MEF2D: variants seen among roughly 807,000 people sequenced by gnomAD.
The protein encoded by MEF2D is myocyte-specific enhancer factor 2D.
A neutral mutation model predicts 59.3 loss-of-function variants in MEF2D; 10 were observed. The ratio of observed to expected loss-of-function variants is 0.17; its 90% CI spans 0.10 to 0.29. MEF2D has a LOEUF of 0.29. Ranked by LOEUF, MEF2D falls within the 10% of genes least tolerant of loss-of-function variation. MEF2D has a pLI of 1.00. For synonymous variants in MEF2D, 305 were observed against 295.0 expected (o/e 1.03, Z -0.35); for missense variants, 508 against 699.4 (o/e 0.73, Z 3.09).
chr1:156,489,581 C>T (rs1209589875), intron 1 of MEF2D, among the ~76,000 whole-genome samples: 2 of 151,932 alleles, frequency 1.3e-5, no homozygotes, highest in African/African-American at 4.8e-5. Context: ...GAACAAGAGA[C>T]AGGTTCAACA....
At position 156,480,840 on chromosome 1, in the gene MEF2D, G is replaced by C; in HGVS notation, c.390C>G (p.Arg130=). 3 of 1,594,230 alleles carry C rather than the reference G, an allele frequency of 1.9e-6. No homozygotes were observed. The highest frequency in any genetic ancestry group is 2.6e-6 in the Non-Finnish European group (3 of 1,170,728). The change falls in exon 4 of 12, where the codon CGC becomes CGG. Residue 130 remains arginine, a synonymous_variant. Transcript: ENST00000348159. The part of the protein sequence containing the change: ...ASEELDGLFR[R]YGSTVPAPNF... ...CAGAGTGAGTGGGGCTCACCCCATA[G>C]CGCCGGAAGAGCCCGTCGAGCTCCT... is the stretch of plus-strand genomic sequence containing the variant.
chr1:156,482,964 G>C (rs1007463472), intron 2 of MEF2D, among the ~76,000 whole-genome samples: 1 of 152,234 alleles, frequency 6.6e-6, no homozygotes, highest in Non-Finnish European at 1.5e-5. Context: ...AAGGAGGAGT[G>C]CCTGGGGGTA....
rs1035529625 is a variant in MEF2D at position 156,464,224 on chromosome 1, C to T, written c.*3421G>A. ...AAGCCTAAACTTACCCCTCACCCCA[C>T]CCCAGGGGATTCCAAAGAGTCAGTT... On this transcript the variant is annotated 3_prime_UTR_variant, in exon 12 of 12. Coordinates refer to ENST00000348159, the MANE Select transcript of MEF2D (RefSeq NM_005920.4). 6.6e-6 allele frequency: 1 copy of T among 152,510 alleles called. No homozygotes were observed. Among genetic ancestry groups the T allele is most frequent in the Non-Finnish European group, 1.5e-5 (1 of 68,006 alleles). The allele number at this position is 152,510 out of a possible 1,614,324, so 9.4% of individuals were successfully genotyped here.
intron 4 of MEF2D, among the ~76,000 whole-genome samples, chr1:156,480,382 T>C (rs1671916186): frequency 6.6e-6 from 1 of 152,168 alleles, no homozygotes; most frequent in South Asian, 2.1e-4. Flanking sequence ...ACACTCCACT[T>C]TGCTGTCCTC....
At chr1:156,488,331 C>G (rs1473043550) in intron 1 of MEF2D, among the ~76,000 whole-genome samples, 1 of 152,182 alleles carries the variant, frequency 6.6e-6, no homozygotes, top group Non-Finnish European at 1.5e-5. Flanking sequence ...AGCTCCCATA[C>G]CAGCACAGGT....
intron 9 of MEF2D, among the ~76,000 whole-genome samples, chr1:156,474,396 C>T (rs1365313225): frequency 2.6e-5 from 4 of 152,064 alleles, no homozygotes; most frequent in African/African-American, 9.7e-5. Context: ...TTGCAGTGAG[C>T]CAAGGTCATA....
In MEF2D at chr1:156,474,577, G is replaced by A. The variant is rs187367415; in HGVS notation, c.1006+531C>T. On this transcript the variant is annotated intron_variant, in intron 9 of 11. Coordinates refer to ENST00000348159, the MANE Select transcript of MEF2D (RefSeq NM_005920.4). The stretch of plus-strand genomic sequence containing the variant: ...CGGTAACACAGCACTTTGGGAGACT[G>A]AGGCAGGAGGACTGCTTGAGACCAG... Among the ~76,000 whole-genome samples, 3 of 152,354 alleles carry A rather than the reference G, an allele frequency of 2.0e-5. No individual in the cohort carries two copies. In the East Asian group the frequency reaches 5.8e-4, roughly 29 times the overall value.
rs1317523369 is a variant in MEF2D at position 156,463,818 on chromosome 1, C to T, written c.*3827G>A. 2 of 152,740 alleles carry T rather than the reference C, an allele frequency of 1.3e-5. No homozygotes were observed. Among genetic ancestry groups the T allele is most frequent in the East Asian group, 3.9e-4 (2 of 5,190 alleles). 9.5% of individuals were successfully genotyped at this position (152,740 alleles called of 1,614,324 possible). On this transcript the variant is annotated 3_prime_UTR_variant, in exon 12 of 12. Coordinates refer to ENST00000348159, the MANE Select transcript of MEF2D (RefSeq NM_005920.4). Reference sequence around the variant, plus strand: ...TTTCAAACAAAACTCATAAGAATCTCGAGGACTTTGTCTTTTCTTATTGTG... The same window carrying T: ...TTTCAAACAAAACTCATAAGAATCTTGAGGACTTTGTCTTTTCTTATTGTG...
At position 156,467,587 on chromosome 1, in the gene MEF2D, G is replaced by T; in HGVS notation, c.*58C>A. 1 of 1,303,096 alleles carries T rather than the reference G, an allele frequency of 7.7e-7. No homozygotes were observed. Among genetic ancestry groups the T allele is most frequent in the Admixed American group, 3.0e-5 (1 of 33,114 alleles). The allele number at this position is 1,303,096 out of a possible 1,614,324, so 80.7% of individuals were successfully genotyped here. A position where few individuals can be genotyped will look rare whatever the true frequency, so the allele number is the denominator to read the frequency against. On this transcript the variant is annotated 3_prime_UTR_variant, in exon 12 of 12. Coordinates refer to ENST00000348159, the MANE Select transcript of MEF2D (RefSeq NM_005920.4). ...GGAGGAGCCCGGGGCAGGGAAGGGC[G>T]GGCGGTGAGATTGTCAACTCTTCAT...
rs1425853455 is a variant in MEF2D, at chr1:156,466,926, ACC to A, written c.*717_*718del. ...GCTTCCAGAGAGGCCCCCACCTCAA[ACC>A]CCTGTCTCCAGCCTCAGATTCCCAG... On this transcript the variant is annotated 3_prime_UTR_variant, in exon 12 of 12. Transcript: ENST00000348159. 6.6e-6 allele frequency: 1 copy of A among 151,746 alleles called. No individual in the cohort carries two copies. Among genetic ancestry groups the A allele is most frequent in the African/African-American group, 2.4e-5 (1 of 41,084 alleles). The allele number at this position is 151,746 out of a possible 1,614,324, so 9.4% of individuals were successfully genotyped here.
At position 156,479,573 on chromosome 1, in the gene MEF2D, C is replaced by T; in HGVS notation, c.607+13G>A. 2.6e-6 allele frequency: 4 copies of T among 1,549,926 alleles called. No individual in the cohort carries two copies. Among genetic ancestry groups the T allele is most frequent in the Non-Finnish European group, 3.5e-6 (4 of 1,146,924 alleles). The stretch of plus-strand genomic sequence containing the variant: ...CATTTCCACCTCACCTACCCACCTG[C>T]CAGCCCACTCACCCGCACTAGCTGG... On this transcript the variant is annotated intron_variant, in intron 5 of 11. Coordinates refer to ENST00000348159, the MANE Select transcript of MEF2D (RefSeq NM_005920.4).
At chr1:156,482,325 C>T in intron 3 of MEF2D, 112 bp downstream of exon 3, 1 of 1,095,862 alleles carries the variant, frequency 9.1e-7, no homozygotes, top group Non-Finnish European at 1.4e-6. Flanking sequence ...CTACAAGGGG[C>T]ATGTATACCA....
Position 156,468,334 on chromosome 1 carries a change from TA to T in MEF2D, c.1248-36del. The T allele has an allele frequency of 6.8e-7, 1 of 1,465,192 alleles. No homozygotes were observed. Among genetic ancestry groups the T allele is most frequent in the Non-Finnish European group, 9.2e-7 (1 of 1,086,548 alleles). The allele number at this position is 1,465,192 out of a possible 1,614,324, so 90.8% of individuals were successfully genotyped here. A position where few individuals can be genotyped will look rare whatever the true frequency, so the allele number is the denominator to read the frequency against. ...GGCAATGGAAATGGGGTACAAGGGA[TA>T]AAAACAGAGGGGGTGAGTGACAGAA... On this transcript the variant is annotated intron_variant, in intron 10 of 11. Transcript: ENST00000348159. The surrounding 1 kb of genome is among the most constrained non-coding windows in gnomAD (Gnocchi z 4.3).
intron 9 of MEF2D, among the ~76,000 whole-genome samples, chr1:156,474,460 A>C (rs1481505239): frequency 6.6e-6 from 1 of 152,180 alleles, no homozygotes; most frequent in Non-Finnish European, 1.5e-5. Context: ...AAAAACAAAA[A>C]CAACAAAAAC....
rs1557887785 is a variant in MEF2D at position 156,482,429 on chromosome 1, G to T, written c.258+8C>A. The T allele has an allele frequency of 1.2e-6, 2 of 1,613,522 alleles. No homozygotes were observed. ...GGTATATCCTGGTGCCTGTGTGTAT[G>T]GGCCCACCTCGATGATGTCGGCGTT... On this transcript the variant is annotated splice_region_variant and intron_variant, in intron 3 of 11. Transcript: ENST00000348159.
rs761401121 is a variant in MEF2D at position 156,468,240 on chromosome 1, A to G, written c.1307T>C (p.Ile436Thr). Reference sequence around the variant, plus strand: ...GGACACCGGTTCTGACTTGATGCTGATGTGGGGGTGGGTGGTGACTGTGAG... The same window carrying G: ...GGACACCGGTTCTGACTTGATGCTGGTGTGGGGGTGGGTGGTGACTGTGAG... ...AALTVTTHPH[I>T]SIKSEPVSPS... Residue 436 changes from isoleucine (I) to threonine (T), a missense_variant, in exon 11 of 12, where the codon ATC becomes ACC. Transcript: ENST00000348159. This position sits in a 1 kb window ranked among gnomAD's most constrained non-coding sequence, Gnocchi z 4.3. The G allele has an allele frequency of 6.3e-7, 1 of 1,598,706 alleles. No homozygotes were observed. Among genetic ancestry groups the G allele is most frequent in the Non-Finnish European group, 8.5e-7 (1 of 1,170,504 alleles).
At chr1:156,477,224 G>A (rs753546433) in intron 6 of MEF2D, 22 bp from the exon 7 acceptor site, 2 of 1,562,974 alleles carry the variant, frequency 1.3e-6, no homozygotes, top group Admixed American at 1.9e-5. Flanking sequence ...ACAACAAGAG[G>A]GTAAAAGGAA....
intron 9 of MEF2D, among the ~76,000 whole-genome samples, chr1:156,471,691 G>A (rs1206343090): frequency 6.6e-6 from 1 of 152,220 alleles, no homozygotes; most frequent in African/African-American, 2.4e-5. Context: ...AAGGGGCCAG[G>A]CCCTCACATG....
At chr1:156,474,666 C>G (rs1339465500) in intron 9 of MEF2D, among the ~76,000 whole-genome samples, 2 of 150,170 alleles carry the variant, frequency 1.3e-5, no homozygotes, top group African/African-American at 4.9e-5. Flanking sequence ...TAAAAAGAGC[C>G]AGGCATGAAG....
Sources: allele counts gnomAD v4.1 joint callset (sites outside exome capture counted in the v4.1 genomes callset), GRCh38; gene constraint gnomAD v4.1.1; non-coding constraint Gnocchi (gnomAD v3.1); transcripts MANE v1.5; gene names NCBI Gene and HGNC (gene_info 2026-07-23, HGNC 2026-07-21).